EPHB1: variants seen among roughly 807,000 people sequenced by gnomAD.
The protein encoded by EPHB1 is ephrin type-B receptor 1.
A neutral mutation model predicts 94.4 loss-of-function variants in EPHB1; 30 were observed. The ratio of observed to expected loss-of-function variants is 0.32; its 90% CI spans 0.24 to 0.43. The LOEUF is 0.43. Among genes scored for constraint, EPHB1 ranks in the 20% least tolerant of loss-of-function variants. The pLI is 1.00. For synonymous variants in EPHB1, 522 were observed against 489.1 expected, an observed-to-expected ratio of 1.07 and a Z score of -0.89; for missense variants, 1,055 against 1,308.3, an observed-to-expected ratio of 0.81 and a Z score of 2.99.
intron 1 of EPHB1, among the ~76,000 whole-genome samples, chr3:134,797,145 G>C (rs531981293): frequency 6.6e-6 from 1 of 152,182 alleles, no homozygotes; most frequent in Non-Finnish European, 1.5e-5. Context: ...TCCGAAGGTG[G>C]CTTTTTGTCT....
At chr3:135,105,490 G>A (rs1027527645) in intron 3 of EPHB1, among the ~76,000 whole-genome samples, 1 of 152,146 alleles carries the variant, frequency 6.6e-6, no homozygotes, top group Non-Finnish European at 1.5e-5. Flanking sequence ...AGTAGGGTAG[G>A]CAGAATCAAT....
At chr3:134,899,736 A>T (rs981773087) in intron 1 of EPHB1, among the ~76,000 whole-genome samples, 2 of 152,164 alleles carry the variant, frequency 1.3e-5, no homozygotes, top group Non-Finnish European at 2.9e-5. Flanking sequence ...CTGCAATGGC[A>T]TGATCATAGC....
chr3:135,034,657 T>C (rs180948950), intron 3 of EPHB1, among the ~76,000 whole-genome samples: 14 of 152,386 alleles, frequency 9.2e-5, no homozygotes, highest in Non-Finnish European at 1.6e-4. Context: ...GCAGGGACTC[T>C]GGACAAGTCC....
At chr3:135,141,161 T>C (rs574430045) in intron 5 of EPHB1, among the ~76,000 whole-genome samples, 1 of 151,310 alleles carries the variant, frequency 6.6e-6, no homozygotes, top group Non-Finnish European at 1.5e-5. Context: ...TTTTTTTTTT[T>C]TTTCTCTTTT....
intron 5 of EPHB1, among the ~76,000 whole-genome samples, chr3:135,152,158 A>T (rs904494083): frequency 4.6e-5 from 7 of 151,192 alleles, no homozygotes; most frequent in African/African-American, 1.7e-4. Flanking sequence ...ATATTTGACT[A>T]TTTTTTTTTC....
chr3:135,130,852 G>A (rs754065100), intron 4 of EPHB1, among the ~76,000 whole-genome samples: 2 of 152,270 alleles, frequency 1.3e-5, no homozygotes, highest in South Asian at 2.1e-4. Context: ...ACAGGGGCCC[G>A]CGGGTGAGTC....
intron 9 of EPHB1, among the ~76,000 whole-genome samples, chr3:135,170,202 C>T (rs906244671): frequency 1.3e-5 from 2 of 152,192 alleles, no homozygotes; most frequent in East Asian, 3.9e-4. Context: ...CAGCCCCTCC[C>T]CTCCCAGACC....
chr3:134,829,838 C>T (rs62272423), intron 1 of EPHB1, among the ~76,000 whole-genome samples: 2 of 152,068 alleles, frequency 1.3e-5, no homozygotes, highest in Admixed American at 6.5e-5. Context: ...ACAGGGAGTG[C>T]GCCATGAGAA....
chr3:135,223,309 C>A (rs1288927469), intron 12 of EPHB1, among the ~76,000 whole-genome samples: 2 of 152,186 alleles, frequency 1.3e-5, no homozygotes, highest in Non-Finnish European at 2.9e-5. Flanking sequence ...CCTTGCAGGG[C>A]TCCAGACCAC....
At chr3:134,965,266 C>T (rs998433917) in intron 3 of EPHB1, among the ~76,000 whole-genome samples, 1 of 152,172 alleles carries the variant, frequency 6.6e-6, no homozygotes, top group African/African-American at 2.4e-5. Flanking sequence ...TCATTAAGAA[C>T]CAGTAGCCAA....
chr3:135,145,982 C>G (rs1212065087), intron 5 of EPHB1, among the ~76,000 whole-genome samples: 5 of 152,230 alleles, frequency 3.3e-5, no homozygotes. Flanking sequence ...TTATTATGTG[C>G]TAGCACAGTG....
At chr3:134,859,764 C>T (rs1486876749) in intron 1 of EPHB1, among the ~76,000 whole-genome samples, 1 of 152,158 alleles carries the variant, frequency 6.6e-6, no homozygotes, top group African/African-American at 2.4e-5. Flanking sequence ...TGATTTTGGT[C>T]AGAAAATCGC....
At chr3:135,179,584 C>T (rs1324070720) in intron 9 of EPHB1, among the ~76,000 whole-genome samples, 1 of 152,214 alleles carries the variant, frequency 6.6e-6, no homozygotes, top group East Asian at 1.9e-4. Context: ...TGGTCCCGAT[C>T]TGTCACTTAT....
chr3:135,175,247 A>G (rs1941944276), intron 9 of EPHB1, among the ~76,000 whole-genome samples: 2 of 152,110 alleles, frequency 1.3e-5, no homozygotes, highest in Admixed American at 1.3e-4. Context: ...CAGCCTTTTC[A>G]CTTTTGAGAG....
At chr3:135,127,335 G>A (rs1940245545) in intron 4 of EPHB1, among the ~76,000 whole-genome samples, 1 of 152,146 alleles carries the variant, frequency 6.6e-6, no homozygotes, top group African/African-American at 2.4e-5. Flanking sequence ...CCCACCTCTG[G>A]CCTGATGCAG....
At chr3:135,185,655 C>A (rs184893089) in intron 10 of EPHB1, among the ~76,000 whole-genome samples, 1 of 152,194 alleles carries the variant, frequency 6.6e-6, no homozygotes, top group Non-Finnish European at 1.5e-5. Context: ...AGAATTTAAA[C>A]CCAGCTAGAG....
intron 8 of EPHB1, 29 bp from the exon 9 acceptor site, chr3:135,166,913 G>A: frequency 6.2e-7 from 1 of 1,613,470 alleles, no homozygotes. Flanking sequence ...GTGCCCTGTG[G>A]CTGAGAGAGC....
intron 3 of EPHB1, among the ~76,000 whole-genome samples, chr3:135,090,507 G>T (rs762966307): frequency 2.7e-4 from 41 of 152,210 alleles, no homozygotes; most frequent in Admixed American, 9.2e-4. Flanking sequence ...CACTTTTTAA[G>T]AATTGACTCT....
intron 1 of EPHB1, among the ~76,000 whole-genome samples, chr3:134,831,319 G>A (rs1578121648): frequency 6.6e-6 from 1 of 152,158 alleles, no homozygotes; most frequent in African/African-American, 2.4e-5. Flanking sequence ...ATGGCCTGTT[G>A]AGCAGGACTC....
Sources: gnomAD v4.1 joint callset for allele counts (sites outside exome capture counted in the v4.1 genomes callset) on GRCh38, gnomAD v4.1.1 for gene constraint, MANE v1.5 for transcripts, NCBI Gene and HGNC (gene_info 2026-07-23, HGNC 2026-07-21) for gene names.